CDYL2: variants seen among roughly 807,000 people sequenced by gnomAD.
The protein encoded by CDYL2 is chromodomain Y-like protein 2.
In CDYL2, 23 loss-of-function variants were observed where a neutral mutation model predicts 49.4. The ratio of observed to expected loss-of-function variants is 0.47; its 90% confidence interval spans 0.34 to 0.66. The LOEUF (loss-of-function observed/expected upper bound fraction) is 0.66. Among genes scored for constraint, CDYL2 ranks in the 30% least tolerant of loss-of-function variants. CDYL2 has a pLI of 0.01. For synonymous variants in CDYL2, 360 were observed against 268.8 expected, an observed-to-expected ratio of 1.34 and a Z score of -3.32; for missense variants, 678 against 656.4, an observed-to-expected ratio of 1.03 and a Z score of -0.36.
intron 2 of CDYL2, among the ~76,000 whole-genome samples, chr16:80,681,590 C>T (rs1160801446): frequency 1.3e-5 from 2 of 152,194 alleles, no homozygotes; most frequent in Non-Finnish European, 2.9e-5. Context: ...CAGTCTTTTC[C>T]TCTTCCCAGT....
At chr16:80,613,935 C>T (rs1450442569) in intron 4 of CDYL2, among the ~76,000 whole-genome samples, 1 of 152,234 alleles carries the variant, frequency 6.6e-6, no homozygotes, top group Non-Finnish European at 1.5e-5. Flanking sequence ...ACTCTTGCCC[C>T]TGCTCACTGT....
Position 80,599,148 on chromosome 16 carries a change from T to A in CDYL2, c.*5240A>T, listed in dbSNP as rs761435627. 1.5e-4 allele frequency: 23 copies of A among 152,062 alleles called. No individual in the cohort carries two copies. The highest frequency in any genetic ancestry group is 4.8e-4 in the African/African-American group (20 of 41,386). 9.4% of individuals were successfully genotyped at this position (152,062 alleles called of 1,614,324 possible). A position where few individuals can be genotyped will look rare whatever the true frequency, so the allele number is the denominator to read the frequency against. ...CAGGCTAGATGTTGGATCAATGATA[T>A]AAGGTTAAGCCATAAAAACACCAGA... On this transcript the variant is annotated 3_prime_UTR_variant, in exon 7 of 7. Coordinates refer to ENST00000570137, the MANE Select transcript of CDYL2 (RefSeq NM_152342.4).
chr16:80,777,029 C>G (rs1380549968), intron 1 of CDYL2, among the ~76,000 whole-genome samples: 1 of 151,996 alleles, frequency 6.6e-6, no homozygotes, highest in Non-Finnish European at 1.5e-5. Flanking sequence ...ACCGTGTTGC[C>G]CAGGCTGGTC....
chr16:80,748,459 G>T (rs1359494542), intron 1 of CDYL2, among the ~76,000 whole-genome samples: 1 of 137,758 alleles, frequency 7.3e-6, no homozygotes, highest in East Asian at 2.1e-4. Context: ...CCTGGGAGGC[G>T]GATCGCGCCA....
intron 2 of CDYL2, among the ~76,000 whole-genome samples, chr16:80,647,348 G>GA (rs1478757475): frequency 1.3e-5 from 2 of 151,962 alleles, no homozygotes; most frequent in South Asian, 2.1e-4. Flanking sequence ...CACAGAAATA[G>GA]AAAAAAACAA....
At chr16:80,793,716 T>A (rs1364026642) in intron 1 of CDYL2, among the ~76,000 whole-genome samples, 3 of 152,184 alleles carry the variant, frequency 2.0e-5, no homozygotes, top group African/African-American at 7.2e-5. Flanking sequence ...CCTAACAATA[T>A]GTTTCCAGGA....
chr16:80,636,816 A>G (rs1263862723), intron 2 of CDYL2, among the ~76,000 whole-genome samples: 1 of 152,248 alleles, frequency 6.6e-6, no homozygotes, highest in African/African-American at 2.4e-5. Context: ...ACGCCCATCA[A>G]CGATAGACTG....
intron 1 of CDYL2, among the ~76,000 whole-genome samples, chr16:80,739,185 G>A (rs576011230): frequency 3.9e-5 from 6 of 152,290 alleles, no homozygotes; most frequent in African/African-American, 1.4e-4. Flanking sequence ...CTTATCTGAG[G>A]TCCCTAGAGT....
At position 80,691,665 on chromosome 16, in the gene CDYL2, T is replaced by C. The variant is rs147747826; in HGVS notation, c.25-6536A>G. Among the ~76,000 whole-genome samples the C allele has an allele frequency of 9.4e-4, 143 of 152,332 alleles. No homozygotes were observed. The Middle Eastern group carries it at 0.017, about 18-fold the overall frequency. ...TAAAACATAAGAACATGATCATAAC[T>C]AAAATGTTCCCAGTACAATCACACC... On this transcript the variant is annotated intron_variant, in intron 1 of 6. Transcript: ENST00000570137.
intron 1 of CDYL2, among the ~76,000 whole-genome samples, chr16:80,795,735 T>A (rs1444424467): frequency 6.6e-6 from 1 of 152,000 alleles, no homozygotes; most frequent in Non-Finnish European, 1.5e-5. Flanking sequence ...AGCACTCCAG[T>A]GTGACAGAAC....
In CDYL2 at chr16:80,726,149, AT is replaced by A. The variant is rs1567586214; in HGVS notation, c.25-41021del. The stretch of plus-strand genomic sequence containing the variant: ...CAGTTCAAACGGTTGAGGCAGGATA[AT>A]GGGTTCATAGGAGTTCCGTATAAGA... On this transcript the variant is annotated intron_variant, in intron 1 of 6. Coordinates refer to ENST00000570137, the MANE Select transcript of CDYL2 (RefSeq NM_152342.4). Among the ~76,000 whole-genome samples, 3 of 152,350 alleles carry A rather than the reference AT, an allele frequency of 2.0e-5. No individual in the cohort carries two copies. The East Asian group carries it at 5.8e-4, about 29-fold the overall frequency.
chr16:80,643,460 G>C (rs1262141167), intron 2 of CDYL2, among the ~76,000 whole-genome samples: 1 of 152,236 alleles, frequency 6.6e-6, no homozygotes, highest in Non-Finnish European at 1.5e-5. Flanking sequence ...AGCTCCACTA[G>C]GCGGTGCCTC....
intron 2 of CDYL2, among the ~76,000 whole-genome samples, chr16:80,644,248 A>G (rs1567553569): frequency 6.6e-6 from 1 of 152,158 alleles, no homozygotes; most frequent in Non-Finnish European, 1.5e-5. Context: ...CAAATTCCTC[A>G]TCTCCATCTG....
At chr16:80,792,284 C>A (rs758338515) in intron 1 of CDYL2, among the ~76,000 whole-genome samples, 6 of 152,062 alleles carry the variant, frequency 3.9e-5, no homozygotes, top group African/African-American at 1.4e-4. Flanking sequence ...AACCCTGGGA[C>A]AAAACCATGA....
intron 2 of CDYL2, among the ~76,000 whole-genome samples, chr16:80,682,867 G>A (rs903482163): frequency 6.6e-6 from 1 of 152,192 alleles, no homozygotes; most frequent in South Asian, 2.1e-4. Flanking sequence ...TTTTACATAT[G>A]TTCACAGGCA....
intron 4 of CDYL2, among the ~76,000 whole-genome samples, chr16:80,620,373 C>T (rs567191610): frequency 6.6e-6 from 1 of 152,284 alleles, no homozygotes; most frequent in East Asian, 1.9e-4. Flanking sequence ...TACAAACAAC[C>T]AGACAACCAG....
Position 80,598,461 on chromosome 16 carries a change from G to C in CDYL2, c.*5927C>G, listed in dbSNP as rs1390480506. Reference sequence around the variant, plus strand: ...ATTCCATCATGAATGAGAATGGAGAGAGAACTGAAGACAATTCTTCTCACA... The same window carrying C: ...ATTCCATCATGAATGAGAATGGAGACAGAACTGAAGACAATTCTTCTCACA... On this transcript the variant is annotated 3_prime_UTR_variant, in exon 7 of 7. Transcript: ENST00000570137. The C allele has an allele frequency of 2.0e-5, 3 of 152,292 alleles. No homozygotes were observed. Among genetic ancestry groups the C allele is most frequent in the South Asian group, 2.1e-4 (1 of 4,820 alleles). The allele number at this position is 152,292 out of a possible 1,614,324, so 9.4% of individuals were successfully genotyped here. A position where few individuals can be genotyped will look rare whatever the true frequency, so the allele number is the denominator to read the frequency against.
chr16:80,795,401 A>G (rs1907741033), intron 1 of CDYL2, among the ~76,000 whole-genome samples: 1 of 152,218 alleles, frequency 6.6e-6, no homozygotes, highest in Non-Finnish European at 1.5e-5. Context: ...GGGACATAAA[A>G]TAAACAAATG....
At chr16:80,613,378 T>C (rs774120217) in intron 4 of CDYL2, among the ~76,000 whole-genome samples, 2 of 152,118 alleles carry the variant, frequency 1.3e-5, no homozygotes, top group Non-Finnish European at 2.9e-5. Context: ...GGTGATGCTG[T>C]AGAGGGACTT....
Sources: allele counts gnomAD v4.1 joint callset (sites outside exome capture counted in the v4.1 genomes callset), GRCh38; gene constraint gnomAD v4.1.1; transcripts MANE v1.5; gene names NCBI Gene and HGNC (gene_info 2026-07-23, HGNC 2026-07-21).